Variants in MYO9A observed in about 807,000 individuals in gnomAD.
The protein encoded by MYO9A is myosin IXA, also known as unconventional myosin-IXa.
A neutral mutation model predicts 293.3 loss-of-function variants in MYO9A; 103 were observed. The ratio of observed to expected loss-of-function variants is 0.35; its 90% CI spans 0.30 to 0.41. The LOEUF (loss-of-function observed/expected upper bound fraction) is 0.41. MYO9A is among the 10% of genes least tolerant of loss of function. MYO9A has a pLI of 1.00. For missense variants in MYO9A, 2,685 were observed against 3,033.0 expected (o/e 0.89, Z 2.69); for synonymous variants, 1,001 against 1,035.7 (o/e 0.97, Z 0.64).
At chr15:72,100,955 T>A (rs1217431876) in intron 1 of MYO9A, among the ~76,000 whole-genome samples, 1 of 98,732 alleles carries the variant, frequency 1.0e-5, no homozygotes, top group Admixed American at 1.0e-4. Context: ...AGCCGCCGCG[T>A]CCCGGAGGGA....
intron 14 of MYO9A, chr15:71,959,251 A>T (rs1567318778): frequency 6.6e-6 from 1 of 152,224 alleles, no homozygotes; most frequent in African/African-American, 2.4e-5. Context: ...TTAGAAATAC[A>T]CTCTCTCAAA....
At chr15:72,013,902 G>A (rs2149030460) in intron 6 of MYO9A, among the ~76,000 whole-genome samples, 1 of 152,230 alleles carries the variant, frequency 6.6e-6, no homozygotes, top group Admixed American at 6.5e-5. Flanking sequence ...CGCCTCCTGG[G>A]CTCAAGTGGT....
intron 1 of MYO9A, among the ~76,000 whole-genome samples, chr15:72,110,633 A>C (rs2080747999): frequency 6.6e-6 from 1 of 152,160 alleles, no homozygotes; most frequent in Non-Finnish European, 1.5e-5. Context: ...CACTGAATCA[A>C]ATACATTCTA....
chr15:71,859,365 C>T (rs2056015393), intron 34 of MYO9A, among the ~76,000 whole-genome samples: 3 of 152,134 alleles, frequency 2.0e-5, no homozygotes, highest in Admixed American at 6.5e-5. Flanking sequence ...TTTTGCTACT[C>T]ATGTTTAAAT....
At chr15:72,073,822 T>C (rs530117267) in intron 1 of MYO9A, among the ~76,000 whole-genome samples, 2 of 152,258 alleles carry the variant, frequency 1.3e-5, no homozygotes, top group East Asian at 3.9e-4. Context: ...CTAATAAAAT[T>C]AAAAGACTCC....
intron 1 of MYO9A, among the ~76,000 whole-genome samples, chr15:72,049,672 T>G (rs769595447): frequency 6.6e-6 from 1 of 152,230 alleles, no homozygotes; most frequent in Non-Finnish European, 1.5e-5. Context: ...ATAGAAGCAT[T>G]AAGCACTATT....
chr15:72,062,432 A>G (rs2078903755), intron 1 of MYO9A, among the ~76,000 whole-genome samples: 1 of 152,226 alleles, frequency 6.6e-6, no homozygotes, highest in African/African-American at 2.4e-5. Context: ...TGTTTTCAGG[A>G]AACTCAACAA....
intron 9 of MYO9A, among the ~76,000 whole-genome samples, chr15:71,997,837 T>C (rs889358179): frequency 9.9e-5 from 15 of 152,198 alleles, no homozygotes; most frequent in African/African-American, 3.6e-4. Flanking sequence ...GCTGGTGAGG[T>C]TGTGGATAAA....
At chr15:71,840,007 T>C (rs2055087509) in intron 39 of MYO9A, among the ~76,000 whole-genome samples, 1 of 152,200 alleles carries the variant, frequency 6.6e-6, no homozygotes, top group Non-Finnish European at 1.5e-5. Context: ...TCAGGACCCC[T>C]GGAAACCTGA....
At chr15:72,005,159 C>G (rs1398756551) in intron 8 of MYO9A, among the ~76,000 whole-genome samples, 1 of 152,130 alleles carries the variant, frequency 6.6e-6, no homozygotes, top group African/African-American at 2.4e-5. Flanking sequence ...AATACTAAAC[C>G]TCAGCCCTAG....
intron 6 of MYO9A, among the ~76,000 whole-genome samples, chr15:72,014,403 T>C (rs1298641282): frequency 6.6e-6 from 1 of 152,186 alleles, no homozygotes; most frequent in Non-Finnish European, 1.5e-5. Context: ...TAGAGACAAG[T>C]GGCCAGGCAC....
chr15:71,885,504 T>C (rs1396041999), intron 27 of MYO9A, among the ~76,000 whole-genome samples: 5 of 152,106 alleles, frequency 3.3e-5, no homozygotes, highest in Admixed American at 2.0e-4. Context: ...ATCAGTTTCA[T>C]CTTGTTGAAA....
chr15:72,065,795 A>T (rs2150072407), intron 1 of MYO9A, among the ~76,000 whole-genome samples: 1 of 152,330 alleles, frequency 6.6e-6, no homozygotes, highest in Non-Finnish European at 1.5e-5. Context: ...AAAGACTTAA[A>T]CAGATTATTA....
chr15:71,956,675 C>CTA (rs2059204166), intron 14 of MYO9A, among the ~76,000 whole-genome samples: 1 of 150,294 alleles, frequency 6.7e-6, no homozygotes, highest in African/African-American at 2.4e-5. Flanking sequence ...ATATATCTAT[C>CTA]TATATATCTC....
At chr15:72,083,634 G>A (rs1448278783) in intron 1 of MYO9A, among the ~76,000 whole-genome samples, 1 of 152,092 alleles carries the variant, frequency 6.6e-6, no homozygotes, top group Non-Finnish European at 1.5e-5. Flanking sequence ...TTTTTCATGT[G>A]CACACTTAGT....
chr15:71,848,388 G>A (rs1033551255), intron 39 of MYO9A, among the ~76,000 whole-genome samples: 4 of 152,020 alleles, frequency 2.6e-5, no homozygotes, highest in African/African-American at 9.7e-5. Context: ...CTCATAGATG[G>A]AATTCCATTT....
chr15:72,011,014 A>T (rs1315422684), intron 6 of MYO9A, among the ~76,000 whole-genome samples: 1 of 146,008 alleles, frequency 6.8e-6, no homozygotes, highest in Non-Finnish European at 1.5e-5. Flanking sequence ...TAGATATGTT[A>T]TTTTTTTTTT....
intron 18 of MYO9A, among the ~76,000 whole-genome samples, chr15:71,925,347 ATAC>A (rs2058281546): frequency 6.7e-6 from 1 of 148,856 alleles, no homozygotes; most frequent in Non-Finnish European, 1.5e-5. Flanking sequence ...ATGTACATAT[ATAC>A]TTACATGTAT....
intron 19 of MYO9A, among the ~76,000 whole-genome samples, chr15:71,912,634 C>T (rs2057893322): frequency 6.6e-6 from 1 of 152,170 alleles, no homozygotes; most frequent in Non-Finnish European, 1.5e-5. Context: ...ATTCAAACTT[C>T]CATGTGGTTT....
Sources: gnomAD v4.1 joint callset for allele counts (sites outside exome capture counted in the v4.1 genomes callset) on GRCh38, gnomAD v4.1.1 for gene constraint, MANE v1.5 for transcripts, NCBI Gene and HGNC (gene_info 2026-07-23, HGNC 2026-07-21) for gene names.